CSMD1: variants seen among roughly 807,000 people sequenced by gnomAD.
CSMD1 encodes CUB and Sushi multiple domains 1, also known as CUB and sushi domain-containing protein 1.
CSMD1 carries 213 observed loss-of-function variants against 417.5 expected under a neutral mutation model. That is an observed-to-expected ratio of 0.51 (90% CI 0.46 to 0.57). The LOEUF is 0.57. Among genes scored for constraint, CSMD1 ranks in the 20% least tolerant of loss-of-function variants. The probability of loss-of-function intolerance (pLI) is 0.00; values close to 1 mark genes in which losing one functional copy is unlikely to be tolerated. For synonymous variants in CSMD1, 2,862 were observed against 1,736.8 expected (o/e 1.65, Z -16.11); for missense variants, 6,923 against 4,529.7 (o/e 1.53, Z -15.17).
chr8:4,855,294 TA>T (rs1198035246), intron 1 of CSMD1, among the ~76,000 whole-genome samples: 1 of 151,538 alleles, frequency 6.6e-6, no homozygotes, highest in Non-Finnish European at 1.5e-5. Context: ...CAAAAGTAGA[TA>T]AAACCACAAA....
intron 2 of CSMD1, among the ~76,000 whole-genome samples, chr8:4,595,190 T>C (rs1209960252): frequency 2.0e-5 from 3 of 151,898 alleles, no homozygotes; most frequent in Non-Finnish European, 4.4e-5. Flanking sequence ...TGCAGAAACA[T>C]CCTAAAATGT....
chr8:4,855,602 A>C (rs1020125222), intron 1 of CSMD1, among the ~76,000 whole-genome samples: 4 of 152,232 alleles, frequency 2.6e-5, no homozygotes, highest in African/African-American at 7.2e-5. Context: ...AAGGCGCGAG[A>C]ACTACGTGAA....
Position 4,682,955 on chromosome 8 carries a change from C to CATATATAT in CSMD1, c.86-45405_86-45398dup, listed in dbSNP as rs10566841. Among the ~76,000 whole-genome samples the CATATATAT allele has an allele frequency of 5.2e-3, 616 of 118,342 alleles. 4 individuals are homozygous for CATATATAT. Among genetic ancestry groups the CATATATAT allele is most frequent in the East Asian group, 7.0e-3 (26 of 3,700 alleles). 77.6% of individuals were successfully genotyped at this position (118,342 alleles called of 152,430 possible). On this transcript the variant is annotated intron_variant, in intron 1 of 69. Coordinates refer to ENST00000635120, the MANE Select transcript of CSMD1 (RefSeq NM_033225.6). Reference sequence around the variant, plus strand: ...TTTCTTTAGGAGCAATAAGTATCTTCATATATATATATATATATATATATA... The same window carrying CATATATAT: ...TTTCTTTAGGAGCAATAAGTATCTTCATATATATATATATATATATATATATATATATA...
At chr8:4,850,761 T>C (rs1801426875) in intron 1 of CSMD1, among the ~76,000 whole-genome samples, 1 of 152,078 alleles carries the variant, frequency 6.6e-6, no homozygotes, top group Admixed American at 6.5e-5. Context: ...CAATTTTCTT[T>C]CAACCCCAAA....
intron 26 of CSMD1, among the ~76,000 whole-genome samples, chr8:3,252,041 T>C (rs1200945267): frequency 6.6e-6 from 1 of 152,216 alleles, no homozygotes; most frequent in Non-Finnish European, 1.5e-5. Flanking sequence ...CTTTTCCTAA[T>C]TGAATACCTT....
intron 1 of CSMD1, among the ~76,000 whole-genome samples, chr8:4,640,330 G>T (rs887793755): frequency 6.6e-5 from 10 of 152,262 alleles, no homozygotes; most frequent in African/African-American, 2.2e-4. Context: ...AAGTATCTAT[G>T]CCTAAGATAG....
At position 3,231,308 on chromosome 8, in the gene CSMD1, A is replaced by G. The variant is rs548461509; in HGVS notation, c.4154-1077T>C. On this transcript the variant is annotated intron_variant, in intron 26 of 69. Transcript: ENST00000635120. ...CTCCACTGCATAAGAGATGACAATT[A>G]AAAGCTGACTTTTTCTCTGCAAAGT... 1.2e-3 allele frequency among the ~76,000 whole-genome samples: 180 copies of G among 152,312 alleles called. 1 individual carries two copies. The highest frequency in any genetic ancestry group is 4.2e-3 in the African/African-American group (174 of 41,572).
At chr8:4,615,577 G>A (rs922049261) in intron 2 of CSMD1, among the ~76,000 whole-genome samples, 1 of 152,092 alleles carries the variant, frequency 6.6e-6, no homozygotes, top group Non-Finnish European at 1.5e-5. Context: ...ATACTATGAG[G>A]ATAAACACTT....
At chr8:3,256,013 C>T (rs924817230) in intron 26 of CSMD1, among the ~76,000 whole-genome samples, 1 of 152,088 alleles carries the variant, frequency 6.6e-6, no homozygotes, top group African/African-American at 2.4e-5. Context: ...TGGCTCCCAT[C>T]CAAGTACACA....
At chr8:3,990,094 G>C (rs1262785878) in intron 5 of CSMD1, among the ~76,000 whole-genome samples, 3 of 152,104 alleles carry the variant, frequency 2.0e-5, no homozygotes, top group Non-Finnish European at 4.4e-5. Context: ...CCCCTCAGAA[G>C]GCAGAGTGTT....
At chr8:3,940,629 T>C (rs1286298156) in intron 5 of CSMD1, among the ~76,000 whole-genome samples, 3 of 151,910 alleles carry the variant, frequency 2.0e-5, no homozygotes, top group East Asian at 1.9e-4. Flanking sequence ...CCAATCAATA[T>C]GTAACCTTAA....
intron 6 of CSMD1, among the ~76,000 whole-genome samples, chr8:3,748,382 G>A (rs1182988589): frequency 5.9e-5 from 9 of 152,098 alleles, no homozygotes; most frequent in African/African-American, 1.7e-4. Flanking sequence ...ATACAAGATA[G>A]CAAGGGAGGT....
chr8:3,877,699 T>C (rs994822835), intron 5 of CSMD1, among the ~76,000 whole-genome samples: 1 of 152,230 alleles, frequency 6.6e-6, no homozygotes, highest in South Asian at 2.1e-4. Flanking sequence ...ACATTTTATA[T>C]ATTTTCATAT....
rs557839245 is a variant in CSMD1, at chr8:3,871,015, A to T, written c.819-116973T>A. Among the ~76,000 whole-genome samples the T allele has an allele frequency of 1.2e-3, 190 of 152,112 alleles. 1 individual carries two copies. Among genetic ancestry groups the T allele is most frequent in the African/African-American group, 4.4e-3 (183 of 41,528 alleles). On this transcript the variant is annotated intron_variant, in intron 5 of 69. Coordinates refer to ENST00000635120, the MANE Select transcript of CSMD1 (RefSeq NM_033225.6). ...CATTCAATGTGTTATAATTTTTTTAAAAAAATTCAATACATATAAATCTCC... is the reference window on the plus strand; with the variant it reads ...CATTCAATGTGTTATAATTTTTTTATAAAAATTCAATACATATAAATCTCC...
intron 3 of CSMD1, among the ~76,000 whole-genome samples, chr8:4,097,197 G>T (rs745393755): frequency 6.6e-6 from 1 of 152,104 alleles, no homozygotes; most frequent in Non-Finnish European, 1.5e-5. Flanking sequence ...ATTGCTGATT[G>T]AATGAATCAA....
intron 12 of CSMD1, among the ~76,000 whole-genome samples, chr8:3,427,289 G>T (rs1358220276): frequency 6.6e-6 from 1 of 152,096 alleles, no homozygotes; most frequent in Non-Finnish European, 1.5e-5. Context: ...ACCACAAAAT[G>T]ACACAAATAA....
chr8:4,444,304 G>A (rs977056303), intron 2 of CSMD1, among the ~76,000 whole-genome samples: 4 of 126,474 alleles, frequency 3.2e-5, no homozygotes, highest in East Asian at 2.4e-4. Context: ...CTGAGATCTC[G>A]CGACTTCACT....
At chr8:4,608,428 C>T (rs1404574992) in intron 2 of CSMD1, among the ~76,000 whole-genome samples, 1 of 152,120 alleles carries the variant, frequency 6.6e-6, no homozygotes. Context: ...TGAAAGTGGA[C>T]TTGACATGAT....
chr8:3,346,334 C>T (rs935507292), intron 22 of CSMD1, among the ~76,000 whole-genome samples: 1 of 152,144 alleles, frequency 6.6e-6, no homozygotes, highest in Admixed American at 6.5e-5. Context: ...TAATCATTCA[C>T]CTGCACTAAA....
Sources: allele counts gnomAD v4.1 joint callset (sites outside exome capture counted in the v4.1 genomes callset), GRCh38; gene constraint gnomAD v4.1.1; transcripts MANE v1.5; gene names NCBI Gene and HGNC (gene_info 2026-07-23, HGNC 2026-07-21).